Variants in STX17 observed in about 807,000 individuals in gnomAD.
STX17 encodes syntaxin 17.
A neutral mutation model predicts 35.9 loss-of-function variants in STX17; 29 were observed. That is an observed-to-expected ratio of 0.81 (90% confidence interval 0.60 to 1.10). STX17 has a LOEUF of 1.10. Among genes scored for constraint, STX17 ranks in the 50% least tolerant of loss-of-function variants. The pLI, the probability that STX17 is intolerant of heterozygous loss-of-function variation, is 0.00. For synonymous variants in STX17, 92 were observed against 118.3 expected (o/e 0.78, Z 1.44); for missense variants, 312 against 352.3 (o/e 0.89, Z 0.92).
intron 2 of STX17, 35 bp from the exon 3 acceptor site, chr9:99,928,743 A>G: frequency 6.3e-7 from 1 of 1,596,536 alleles, no homozygotes; most frequent in Non-Finnish European, 8.6e-7. Context: ...TTTAGTGATG[A>G]AAAATTTAAT....
intron 7 of STX17, among the ~76,000 whole-genome samples, chr9:99,968,044 G>C (rs1187290795): frequency 6.6e-6 from 1 of 152,182 alleles, no homozygotes; most frequent in African/African-American, 2.4e-5. Context: ...CATGGAGTGG[G>C]ACCATCTATT....
At chr9:99,956,623 A>C (rs1368797055) in intron 4 of STX17, among the ~76,000 whole-genome samples, 1 of 152,224 alleles carries the variant, frequency 6.6e-6, no homozygotes, top group African/African-American at 2.4e-5. Flanking sequence ...TAGAGCTTTT[A>C]AAATATTGGC....
intron 4 of STX17, among the ~76,000 whole-genome samples, chr9:99,956,443 A>C (rs1829713429): frequency 1.3e-5 from 2 of 152,306 alleles, no homozygotes; most frequent in South Asian, 4.1e-4. Flanking sequence ...ATAATAATGA[A>C]GTTATCATTA....
At chr9:99,928,434 C>G (rs537124272) in intron 2 of STX17, among the ~76,000 whole-genome samples, 22 of 152,058 alleles carry the variant, frequency 1.4e-4, no homozygotes, top group African/African-American at 5.1e-4. Flanking sequence ...CTTATGAACA[C>G]TGTTCTTTTC....
At chr9:99,928,957 T>C (rs866228094) in intron 3 of STX17, 114 bp downstream of exon 3, 9 of 819,686 alleles carry the variant, frequency 1.1e-5, no homozygotes, top group Middle Eastern at 3.2e-4. Context: ...TGTTACTATT[T>C]ACTTGAGGAT....
chr9:99,946,981 A>G (rs1034879892), intron 3 of STX17, among the ~76,000 whole-genome samples: 3 of 151,864 alleles, frequency 2.0e-5, no homozygotes, highest in Non-Finnish European at 4.4e-5. Flanking sequence ...TTGACCTTGA[A>G]TTGTGGATGG....
Position 99,946,823 on chromosome 9 carries a change from G to A in STX17, c.190-4237G>A, listed in dbSNP as rs144869541. 6.3e-3 allele frequency among the ~76,000 whole-genome samples: 966 copies of A among 152,152 alleles called. 10 individuals carry two copies. Among genetic ancestry groups the A allele is most frequent in the African/African-American group, 0.021 (888 of 41,524 alleles). ...TTTGTTCCATTGTCTTTAGGCTTTC[G>A]TTATTGCTGTTGAGAAGTCGTATTA... On this transcript the variant is annotated intron_variant, in intron 3 of 7. Coordinates refer to ENST00000259400, the MANE Select transcript of STX17 (RefSeq NM_017919.3).
chr9:99,914,994 A>T, intron 1 of STX17, 184 bp from the exon 2 acceptor site: 2 of 252,968 alleles, frequency 7.9e-6, no homozygotes, highest in Non-Finnish European at 1.5e-5. Context: ...CTAAAATATA[A>T]TTTTTGTAAA....
chr9:99,912,292 G>A (rs529396819), intron 1 of STX17, among the ~76,000 whole-genome samples: 12 of 151,218 alleles, frequency 7.9e-5, no homozygotes, highest in South Asian at 2.1e-4. Context: ...TTTTTTATCC[G>A]TTTGGTGATA....
chr9:99,931,153 G>C (rs987409557), intron 3 of STX17, among the ~76,000 whole-genome samples: 1 of 152,042 alleles, frequency 6.6e-6, no homozygotes, highest in Non-Finnish European at 1.5e-5. Flanking sequence ...GCTAATTTTT[G>C]TATTTTTAGT....
intron 3 of STX17, among the ~76,000 whole-genome samples, chr9:99,950,210 T>G (rs1829566017): frequency 1.3e-5 from 2 of 151,864 alleles, no homozygotes; most frequent in African/African-American, 4.8e-5. Context: ...CATAGGGAAG[T>G]GCAGAGTAAA....
At chr9:99,964,004 G>A (rs1431852151) in intron 6 of STX17, among the ~76,000 whole-genome samples, 1 of 152,090 alleles carries the variant, frequency 6.6e-6, no homozygotes, top group African/African-American at 2.4e-5. Context: ...AGGAATAAAT[G>A]GACGTACCTG....
intron 3 of STX17, among the ~76,000 whole-genome samples, chr9:99,950,836 A>G (rs1336123231): frequency 6.6e-6 from 1 of 151,982 alleles, no homozygotes; most frequent in Non-Finnish European, 1.5e-5. Flanking sequence ...ACCACATTTA[A>G]TGAAGGAAAA....
At chr9:99,959,514 C>T (rs1829785428) in intron 4 of STX17, among the ~76,000 whole-genome samples, 1 of 138,694 alleles carries the variant, frequency 7.2e-6, no homozygotes. Flanking sequence ...GGCTGGAGTG[C>T]AGCGGCGTGA....
chr9:99,910,634 G>T (rs1828641324), intron 1 of STX17, among the ~76,000 whole-genome samples: 2 of 152,060 alleles, frequency 1.3e-5, no homozygotes, highest in African/African-American at 4.8e-5. Flanking sequence ...TCAAATCAGG[G>T]TATTTGGGAT....
At chr9:99,934,672 T>A (rs1384521091) in intron 3 of STX17, among the ~76,000 whole-genome samples, 2 of 152,214 alleles carry the variant, frequency 1.3e-5, no homozygotes, top group African/African-American at 4.8e-5. Flanking sequence ...TTCTGCTCTG[T>A]GTTTGTAAAG....
chr9:99,932,826 A>G (rs1829152277), intron 3 of STX17, among the ~76,000 whole-genome samples: 1 of 152,152 alleles, frequency 6.6e-6, no homozygotes, highest in Non-Finnish European at 1.5e-5. Context: ...TGTAAAAGTT[A>G]TTTTGGGACA....
chr9:99,952,259 G>A (rs1336838851), intron 4 of STX17, among the ~76,000 whole-genome samples: 2 of 152,106 alleles, frequency 1.3e-5, no homozygotes, highest in African/African-American at 4.8e-5. Flanking sequence ...CATTTATGCA[G>A]CCAAAAAACA....
intron 4 of STX17, among the ~76,000 whole-genome samples, chr9:99,956,490 A>G (rs1829714184): frequency 6.6e-6 from 1 of 152,194 alleles, no homozygotes; most frequent in Non-Finnish European, 1.5e-5. Flanking sequence ...ATACCTGGAA[A>G]TATTAAGTAG....
Sources: gnomAD v4.1 joint callset for allele counts (sites outside exome capture counted in the v4.1 genomes callset) on GRCh38, gnomAD v4.1.1 for gene constraint, MANE v1.5 for transcripts, NCBI Gene and HGNC (gene_info 2026-07-23, HGNC 2026-07-21) for gene names.